Variants in GOLGA4 observed in about 807,000 individuals in gnomAD.
The protein encoded by GOLGA4 is golgin A4.
Under a neutral mutation model 265.9 loss-of-function variants are expected in GOLGA4, and 169 were observed. The observed-to-expected ratio is 0.64, with a 90% CI of 0.56 to 0.72. The LOEUF (loss-of-function observed/expected upper bound fraction) is 0.72. GOLGA4 is among the 30% of genes least tolerant of loss of function. GOLGA4 has a pLI of 0.00. For synonymous variants in GOLGA4, 923 were observed against 855.8 expected (o/e 1.08, Z -1.37); for missense variants, 2,482 against 2,483.4 (o/e 1.00, Z 0.01).
intron 10 of GOLGA4, among the ~76,000 whole-genome samples, chr3:37,312,822 C>T (rs1028691167): frequency 6.6e-6 from 1 of 152,214 alleles, no homozygotes; most frequent in East Asian, 1.9e-4. Context: ...CCCACTGCAT[C>T]TGGCAATAGG....
At chr3:37,298,801 G>C in intron 7 of GOLGA4, 32 bp from the exon 8 acceptor site, 1 of 1,492,272 alleles carries the variant, frequency 6.7e-7, no homozygotes. Flanking sequence ...ATTCCTTACT[G>C]ATGGGCCCTT....
chr3:37,337,207 A>G (rs772818495), intron 18 of GOLGA4, 44 bp downstream of exon 18: 14 of 1,032,700 alleles, frequency 1.4e-5, no homozygotes, highest in Non-Finnish European at 2.0e-5. Context: ...TTTTTCTTTG[A>G]GACAGATTCT....
chr3:37,274,191 A>G (rs17036217), intron 2 of GOLGA4, among the ~76,000 whole-genome samples: 2,119 of 152,178 alleles, frequency 0.014, 43 homozygotes, highest in African/African-American at 0.046. Flanking sequence ...ATAAAAGATC[A>G]TGGAGGTAGC....
intron 23 of GOLGA4, 101 bp downstream of exon 23, chr3:37,361,406 A>G (rs1696260138): frequency 4.0e-6 from 3 of 752,834 alleles, no homozygotes; most frequent in South Asian, 1.7e-5. Flanking sequence ...TTTAATAAAT[A>G]TATGATTATG....
intron 19 of GOLGA4, 69 bp from the exon 20 acceptor site, chr3:37,340,055 C>A: frequency 1.5e-6 from 1 of 682,786 alleles, no homozygotes; most frequent in African/African-American, 1.9e-5. Flanking sequence ...GTGGTGACAG[C>A]AATCTTTCTT....
intron 11 of GOLGA4, among the ~76,000 whole-genome samples, chr3:37,317,181 CT>C (rs1559419122): frequency 6.6e-6 from 1 of 151,476 alleles, no homozygotes; most frequent in South Asian, 2.1e-4. Flanking sequence ...CTTTTTCTTT[CT>C]TTTTTTGAGA....
intron 21 of GOLGA4, among the ~76,000 whole-genome samples, chr3:37,352,365 A>C (rs2097077203): frequency 6.6e-6 from 1 of 151,958 alleles, no homozygotes; most frequent in South Asian, 2.1e-4. Context: ...CCATTATAAA[A>C]CCATCAGATC....
chr3:37,296,072 G>A lies in GOLGA4; in HGVS notation c.682-15G>A, dbSNP rs200275840. ...TTTTTTTTGACTTTTTTCTAATGAA[G>A]CACATTTATATTAGGTTTCTCTACT... On this transcript the variant is annotated splice_polypyrimidine_tract_variant and intron_variant, in intron 6 of 23. Transcript: ENST00000361924. 2 of 1,611,310 alleles carry A rather than the reference G, an allele frequency of 1.2e-6. No individual in the cohort carries two copies. Among genetic ancestry groups the A allele is most frequent in the African/African-American group, 1.3e-5 (1 of 74,778 alleles).
chr3:37,292,237 G>A (rs1299009521), intron 5 of GOLGA4, among the ~76,000 whole-genome samples: 2 of 152,172 alleles, frequency 1.3e-5, no homozygotes, highest in African/African-American at 4.8e-5. Flanking sequence ...GTTGTAGGTT[G>A]TAGGAAATTA....
At chr3:37,267,867 T>G (rs1446678532) in intron 2 of GOLGA4, among the ~76,000 whole-genome samples, 1 of 152,204 alleles carries the variant, frequency 6.6e-6, no homozygotes, top group African/African-American at 2.4e-5. Flanking sequence ...GGTATGCATA[T>G]GGCCAGTAGC....
At chr3:37,364,023 T>C (rs1696550259) in intron 23 of GOLGA4, among the ~76,000 whole-genome samples, 2 of 152,184 alleles carry the variant, frequency 1.3e-5, no homozygotes, top group African/African-American at 4.8e-5. Context: ...AGGACCAACA[T>C]GATTATTGAA....
At chr3:37,315,901 T>C (rs2096936362) in intron 11 of GOLGA4, among the ~76,000 whole-genome samples, 1 of 152,184 alleles carries the variant, frequency 6.6e-6, no homozygotes, top group South Asian at 2.1e-4. Context: ...GCTTCAGTAG[T>C]ATATCCTCCA....
rs949177625 is a variant in GOLGA4, at chr3:37,282,195, C to G, written c.400C>G (p.Leu134Val). The G allele has an allele frequency of 1.4e-5, 23 of 1,614,116 alleles. No individual in the cohort carries two copies. The highest frequency in any genetic ancestry group is 1.9e-5 in the Non-Finnish European group (22 of 1,179,950). Residue 134 changes from leucine (L) to valine (V), a missense_variant, in exon 3 of 24, where the codon CTC (leucine) becomes GTC (valine). This residue lies in a region of GOLGA4 where 1,536 missense variants were observed against 1,483.7 expected (regional missense o/e 1.04). Coordinates refer to ENST00000361924, the MANE Select transcript of GOLGA4 (RefSeq NM_002078.5). Reference protein sequence around the residue: ...AEDLVGNSDSLNKEQLIQRLR... With the variant: ...AEDLVGNSDSVNKEQLIQRLR... ...AGACTTGGTAGGGAATTCAGACAGTCTCAACAAAGAACAGTTGATTCAGCG... is the reference window on the plus strand; with the variant it reads ...AGACTTGGTAGGGAATTCAGACAGTGTCAACAAAGAACAGTTGATTCAGCG...
At position 37,325,922 on chromosome 3, in the gene GOLGA4, A is replaced by G. The variant is rs1234099555; in HGVS notation, c.4036A>G (p.Lys1346Glu). Reference protein sequence around the residue: ...EKESCITQLKKELSENINAVT... With the variant: ...EKESCITQLKEELSENINAVT... ...GGAGTCTTGTATAACACAGTTGAAG[A>G]AAGAGTTATCTGAAAACATCAATGC... Residue 1346 changes from lysine to glutamate, a missense_variant, in exon 14 of 24, where the codon AAA becomes GAA. Lys to Glu is a moderately conservative substitution (Grantham distance 56, BLOSUM62 1). This residue lies in a region of GOLGA4 where 942 missense variants were observed against 983.1 expected (regional missense o/e 0.96). Transcript: ENST00000361924. The G allele has an allele frequency of 1.9e-6, 3 of 1,613,244 alleles. No homozygotes were observed. The highest frequency in any genetic ancestry group is 2.2e-5 in the South Asian group (2 of 90,982).
intron 2 of GOLGA4, among the ~76,000 whole-genome samples, chr3:37,274,314 C>G (rs1052083290): frequency 1.3e-5 from 2 of 151,968 alleles, no homozygotes; most frequent in Admixed American, 1.3e-4. Flanking sequence ...TTTAGGTTGT[C>G]CTTGATTTTA....
At chr3:37,347,799 AT>A (rs1229152035) in intron 21 of GOLGA4, among the ~76,000 whole-genome samples, 1 of 152,140 alleles carries the variant, frequency 6.6e-6, no homozygotes, top group African/African-American at 2.4e-5. Context: ...TGCTTGGCTA[AT>A]TTGTTTTCTA....
At chr3:37,341,409 G>A (rs2097033597) in intron 20 of GOLGA4, among the ~76,000 whole-genome samples, 1 of 151,980 alleles carries the variant, frequency 6.6e-6, no homozygotes, top group Non-Finnish European at 1.5e-5. Flanking sequence ...AAACCATTTG[G>A]CATTCTCTTC....
At chr3:37,343,871 G>T (rs2151028904) in intron 20 of GOLGA4, among the ~76,000 whole-genome samples, 1 of 152,304 alleles carries the variant, frequency 6.6e-6, no homozygotes, top group South Asian at 2.1e-4. Flanking sequence ...CTGTCACCCA[G>T]TTCCAGGTGT....
At chr3:37,345,608 GTCT>G (rs1215563623) in intron 20 of GOLGA4, among the ~76,000 whole-genome samples, 2 of 152,130 alleles carry the variant, frequency 1.3e-5, no homozygotes, top group Non-Finnish European at 2.9e-5. Flanking sequence ...GAGCTATAAA[GTCT>G]TCTGTACCCA....
Sources: gnomAD v4.1 joint callset for allele counts (sites outside exome capture counted in the v4.1 genomes callset) on GRCh38, gnomAD v4.1.1 for gene constraint, gnomAD v4.1.1 regional missense constraint, MANE v1.5 for transcripts, NCBI Gene and HGNC (gene_info 2026-07-23, HGNC 2026-07-21) for gene names.